The following CLYBL variants were observed in gnomAD, a reference collection of about 807,000 sequenced individuals.
The protein encoded by CLYBL is citramalyl-CoA lyase, mitochondrial.
A neutral mutation model predicts 38.9 loss-of-function variants in CLYBL; 31 were observed. That is an observed-to-expected ratio of 0.80 (90% CI 0.60 to 1.08). The LOEUF (loss-of-function observed/expected upper bound fraction) is 1.08. Among genes scored for constraint, CLYBL ranks in the 50% least tolerant of loss-of-function variants. The probability of loss-of-function intolerance (pLI) is 0.00; values close to 1 mark genes in which losing one functional copy is unlikely to be tolerated. For missense variants in CLYBL, 434 were observed against 411.6 expected (o/e 1.05, Z -0.47); for synonymous variants, 171 against 158.6 (o/e 1.08, Z -0.59).
At chr13:99,811,954 C>T (rs1395679046) in intron 2 of CLYBL, among the ~76,000 whole-genome samples, 3 of 152,146 alleles carry the variant, frequency 2.0e-5, no homozygotes, top group Non-Finnish European at 2.9e-5. Flanking sequence ...TATTTAATGC[C>T]TCCCATATGA....
At position 99,668,588 on chromosome 13, in the gene CLYBL, AAAAAAAAAAAAG is replaced by A. The variant is rs1451119475; in HGVS notation, c.62+61839_62+61850del. Among the ~76,000 whole-genome samples the A allele has an allele frequency of 8.7e-4, 130 of 149,446 alleles. 2 individuals carry two copies. Among genetic ancestry groups the A allele is most frequent in the Non-Finnish European group, 3.3e-4 (22 of 67,180 alleles). On this transcript the variant is annotated intron_variant, in intron 1 of 8. Transcript: ENST00000339105. ...GAGACAGAGCGAAACTCCATCTCAA[AAAAAAAAAAAAG>A]AAAAAAAGAATATTGGCTATTTGAG...
At chr13:99,746,969 T>C (rs554837096) in intron 1 of CLYBL, among the ~76,000 whole-genome samples, 9 of 152,366 alleles carry the variant, frequency 5.9e-5, no homozygotes, top group Admixed American at 5.9e-4. Flanking sequence ...AATCGCATTG[T>C]GTGCCTGAAC....
chr13:99,844,480 G>C (rs138632544), intron 2 of CLYBL, among the ~76,000 whole-genome samples: 1 of 152,288 alleles, frequency 6.6e-6, no homozygotes, highest in Non-Finnish European at 1.5e-5. Context: ...CCCTGGTGTT[G>C]GCACACCATT....
intron 2 of CLYBL, among the ~76,000 whole-genome samples, chr13:99,792,036 G>C (rs2049928691): frequency 6.6e-6 from 1 of 152,170 alleles, no homozygotes; most frequent in African/African-American, 2.4e-5. Context: ...CTTAACATGA[G>C]GGGGCTGGAA....
chr13:99,871,176 G>GA, intron 7 of CLYBL, 114 bp downstream of exon 7: 4 of 1,170,500 alleles, frequency 3.4e-6, no homozygotes, highest in Non-Finnish European at 5.0e-6. Flanking sequence ...CTGGAGAGGG[G>GA]GGAAAGGGAG....
chr13:99,621,755 AT>A (rs75453163), intron 1 of CLYBL, among the ~76,000 whole-genome samples: 4,078 of 150,972 alleles, frequency 0.027, 82 homozygotes, highest in Middle Eastern at 0.11. Context: ...TTTTTTGGCG[AT>A]TTTTTTTTTT....
chr13:99,866,882 C>T (rs953507554), intron 6 of CLYBL, among the ~76,000 whole-genome samples: 4 of 152,080 alleles, frequency 2.6e-5, no homozygotes, highest in Admixed American at 1.3e-4. Flanking sequence ...TCTTCTGCCA[C>T]TCCAAGCCCC....
At chr13:99,854,577 C>T (rs1387744637) in intron 2 of CLYBL, among the ~76,000 whole-genome samples, 10 of 151,958 alleles carry the variant, frequency 6.6e-5, no homozygotes, top group Admixed American at 5.2e-4. Context: ...GCCGCCCTGC[C>T]GCGAGGGACC....
chr13:99,836,752 A>G (rs941731961), intron 2 of CLYBL, among the ~76,000 whole-genome samples: 1 of 152,186 alleles, frequency 6.6e-6, no homozygotes, highest in Non-Finnish European at 1.5e-5. Flanking sequence ...TAGAGAGATT[A>G]TTTCATTTCT....
chr13:99,866,223 T>A lies in CLYBL; in HGVS notation c.635-17T>A. 1 of 1,612,294 alleles carries A rather than the reference T, an allele frequency of 6.2e-7. No homozygotes were observed. Among genetic ancestry groups the A allele is most frequent in the Non-Finnish European group, 8.5e-7 (1 of 1,179,640 alleles). ...CAAAGTTAAAGCCTCCTTTTTCTGT[T>A]AACATCCCATTTTCAGGTGCAACAA... On this transcript the variant is annotated splice_polypyrimidine_tract_variant and intron_variant, in intron 5 of 8. Transcript: ENST00000339105.
chr13:99,891,255 C>A, intron 7 of CLYBL, 63 bp from the exon 8 acceptor site: 1 of 1,194,336 alleles, frequency 8.4e-7, no homozygotes, highest in Non-Finnish European at 1.3e-6. Context: ...CACAAGTGTG[C>A]ACAGAAAGGA....
chr13:99,613,022 GATGATAATAATA>G (rs142253711), intron 1 of CLYBL, among the ~76,000 whole-genome samples: 4,614 of 136,848 alleles, frequency 0.034, 113 homozygotes, highest in Middle Eastern at 0.12. Flanking sequence ...TAAAAATAGT[GATGATAATAATA>G]ATAATAATAA....
intron 1 of CLYBL, among the ~76,000 whole-genome samples, chr13:99,641,572 A>G (rs578169943): frequency 6.6e-6 from 1 of 152,038 alleles, no homozygotes; most frequent in African/African-American, 2.4e-5. Context: ...TGGGAAGCCA[A>G]GGTGGGCGGA....
chr13:99,862,174 A>T (rs949404483), intron 3 of CLYBL, among the ~76,000 whole-genome samples: 2 of 152,202 alleles, frequency 1.3e-5, no homozygotes, highest in Admixed American at 1.3e-4. Flanking sequence ...ATGGATATAT[A>T]TGTTTTCATC....
At chr13:99,640,811 C>G (rs975006746) in intron 1 of CLYBL, among the ~76,000 whole-genome samples, 1 of 152,184 alleles carries the variant, frequency 6.6e-6, no homozygotes, top group African/African-American at 2.4e-5. Context: ...TTTGACTGCT[C>G]AGGAAATTTG....
chr13:99,770,614 G>C (rs1312054907), intron 1 of CLYBL, among the ~76,000 whole-genome samples: 1 of 152,018 alleles, frequency 6.6e-6, no homozygotes, highest in Non-Finnish European at 1.5e-5. Context: ...ACCGCGCCCG[G>C]TCTGGTCTCA....
intron 2 of CLYBL, among the ~76,000 whole-genome samples, chr13:99,803,114 C>A (rs535320509): frequency 9.1e-4 from 138 of 152,294 alleles, no homozygotes; most frequent in African/African-American, 3.1e-3. Context: ...CTGACTAGAC[C>A]AACAAGGGGT....
At chr13:99,816,096 T>G (rs2050441774) in intron 2 of CLYBL, among the ~76,000 whole-genome samples, 1 of 152,186 alleles carries the variant, frequency 6.6e-6, no homozygotes, top group South Asian at 2.1e-4. Context: ...TTGCACTGGT[T>G]AGATTTGGCA....
intron 1 of CLYBL, among the ~76,000 whole-genome samples, chr13:99,683,145 A>C (rs970179347): frequency 1.3e-5 from 2 of 151,868 alleles, no homozygotes; most frequent in African/African-American, 4.8e-5. Flanking sequence ...GCAGTGGCAC[A>C]ATCTCAGCTC....
Sources: allele counts gnomAD v4.1 joint callset (sites outside exome capture counted in the v4.1 genomes callset), GRCh38; gene constraint gnomAD v4.1.1; transcripts MANE v1.5; gene names NCBI Gene and HGNC (gene_info 2026-07-23, HGNC 2026-07-21).